The following SLA2 variants were observed in gnomAD, a reference collection of about 807,000 sequenced individuals.
SLA2 encodes src-like-adapter 2.
Under a neutral mutation model 27.3 loss-of-function variants are expected in SLA2, and 22 were observed. The observed-to-expected ratio is 0.81, with a 90% CI of 0.58 to 1.15. SLA2 has a LOEUF of 1.15. Ranked by LOEUF, SLA2 falls within the 50% of genes most tolerant of loss-of-function variation. The pLI, the probability that SLA2 is intolerant of heterozygous loss-of-function variation, is 0.00. For synonymous variants in SLA2, 131 were observed against 137.8 expected (o/e 0.95, Z 0.34); for missense variants, 304 against 322.2 (o/e 0.94, Z 0.43).
intron 7 of SLA2, 123 bp downstream of exon 7, chr20:36,614,182 C>G: frequency 1.9e-6 from 3 of 1,541,986 alleles, no homozygotes; most frequent in Non-Finnish European, 8.9e-7. Context: ...AGTCAGTGCA[C>G]TCTGGCTCCA....
chr20:36,627,305 T>C (rs2039349210), intron 5 of SLA2, among the ~76,000 whole-genome samples: 1 of 152,012 alleles, frequency 6.6e-6, no homozygotes, highest in Non-Finnish European at 1.5e-5. Context: ...ACCTCTGGGG[T>C]CAGGTATTCC....
At chr20:36,637,156 A>G (rs949853926) in intron 2 of SLA2, among the ~76,000 whole-genome samples, 1 of 142,188 alleles carries the variant, frequency 7.0e-6, no homozygotes, top group African/African-American at 2.7e-5. Flanking sequence ...CCCTTGTTCT[A>G]TTAGTCAAGA....
At chr20:36,641,125 G>T in intron 2 of SLA2, 120 bp downstream of exon 2, 1 of 781,516 alleles carries the variant, frequency 1.3e-6, no homozygotes, top group South Asian at 1.6e-5. Context: ...GGCCTGGTAT[G>T]CAGCAGGCCC....
rs751247519 is a variant in SLA2, at chr20:36,614,457, C to T, written c.533-20G>A. On this transcript the variant is annotated intron_variant, in intron 6 of 7. Transcript: ENST00000262866. ...CCAGCTCTGAGGAAGAGACCTCCAT[C>T]CCTGACATGACTGACTCCACCCTAC... is the stretch of plus-strand genomic sequence containing the variant. The T allele has an allele frequency of 6.3e-7, 1 of 1,588,166 alleles. No homozygotes were observed. The highest frequency in any genetic ancestry group is 2.2e-5 in the East Asian group (1 of 44,568).
At chr20:36,625,961 C>G (rs1456777431) in intron 5 of SLA2, among the ~76,000 whole-genome samples, 1 of 151,244 alleles carries the variant, frequency 6.6e-6, no homozygotes, top group Non-Finnish European at 1.5e-5. Context: ...CCTGTTTCTA[C>G]TCAAAATACA....
chr20:36,621,089 A>G lies in SLA2; in HGVS notation c.383-5715T>C, dbSNP rs912467325. The G allele has an allele frequency of 4.4e-5, 16 of 361,538 alleles. No individual in the cohort carries two copies. In the East Asian group the frequency reaches 9.9e-4, roughly 22 times the overall value. The allele number at this position is 361,538 out of a possible 1,614,324, so 22.4% of individuals were successfully genotyped here. A position where few individuals can be genotyped will look rare whatever the true frequency, so the allele number is the denominator to read the frequency against. ...GGAGATGGTGGCAGCAGAGGTAGTT[A>G]TGGAGGAGGTGATGGTGGCATCAAT... On this transcript the variant is annotated intron_variant, in intron 5 of 7. Transcript: ENST00000262866.
At chr20:36,640,225 T>G (rs181207344) in intron 2 of SLA2, among the ~76,000 whole-genome samples, 8 of 151,990 alleles carry the variant, frequency 5.3e-5, no homozygotes, top group African/African-American at 1.9e-4. Context: ...GGAGGATTGC[T>G]TGAGCCTGGG....
intron 5 of SLA2, among the ~76,000 whole-genome samples, chr20:36,624,342 C>T (rs915701980): frequency 2.0e-5 from 3 of 152,180 alleles, no homozygotes. Context: ...TCCTGTCTTC[C>T]CTGACCGCCT....
chr20:36,625,580 C>T (rs369345753), intron 5 of SLA2, among the ~76,000 whole-genome samples: 14 of 152,090 alleles, frequency 9.2e-5, no homozygotes, highest in African/African-American at 3.1e-4. Flanking sequence ...GCCTGTAATC[C>T]CAGCACTTGG....
chr20:36,623,266 CAAAAAA>C (rs776399343), intron 5 of SLA2, among the ~76,000 whole-genome samples: 7 of 52,092 alleles, frequency 1.3e-4, no homozygotes, highest in Non-Finnish European at 2.5e-4. Context: ...CATTACATCT[CAAAAAA>C]AAAAAAAAAA....
At chr20:36,621,019 T>C in intron 5 of SLA2, 1 of 369,472 alleles carries the variant, frequency 2.7e-6, no homozygotes, top group Non-Finnish European at 5.4e-6. Context: ...TAGAGGTAAT[T>C]TTGGCTGCAG....
chr20:36,632,473 T>A, intron 5 of SLA2, 122 bp downstream of exon 5: 1 of 726,302 alleles, frequency 1.4e-6, no homozygotes. Context: ...TCAGGAAATC[T>A]TGGTTGACTG....
intron 5 of SLA2, among the ~76,000 whole-genome samples, chr20:36,631,988 C>T (rs183900329): frequency 3.9e-5 from 6 of 152,258 alleles, no homozygotes; most frequent in Admixed American, 2.0e-4. Flanking sequence ...GAGAAGGATA[C>T]GATTTTCGGG....
intron 5 of SLA2, among the ~76,000 whole-genome samples, chr20:36,630,879 C>T (rs1340390659): frequency 6.6e-6 from 1 of 152,146 alleles, no homozygotes; most frequent in Non-Finnish European, 1.5e-5. Context: ...GTGGCCCGTT[C>T]CTACTCCTCT....
At chr20:36,622,631 A>C (rs1299379790) in intron 5 of SLA2, among the ~76,000 whole-genome samples, 3 of 152,292 alleles carry the variant, frequency 2.0e-5, no homozygotes, top group Admixed American at 6.5e-5. Flanking sequence ...TTCCTTTTGC[A>C]GACTCTAGAG....
intron 5 of SLA2, among the ~76,000 whole-genome samples, chr20:36,625,814 G>C (rs1600823053): frequency 7.0e-6 from 1 of 142,352 alleles, no homozygotes; most frequent in Admixed American, 7.1e-5. Context: ...GCAATAGAGT[G>C]AGATCCTGTC....
intron 5 of SLA2, among the ~76,000 whole-genome samples, chr20:36,624,423 CTT>C (rs2039316394): frequency 6.6e-6 from 1 of 152,190 alleles, no homozygotes; most frequent in South Asian, 2.1e-4. Flanking sequence ...CTGAACGCTG[CTT>C]TGTTTCCTCT....
Position 36,612,682 on chromosome 20 carries a change from C to G in SLA2, c.*1184G>C. 1 of 216,846 alleles carries G rather than the reference C, an allele frequency of 4.6e-6. No individual in the cohort carries two copies. The highest frequency in any genetic ancestry group is 9.5e-6 in the Non-Finnish European group (1 of 105,318). 13.4% of individuals were successfully genotyped at this position (216,846 alleles called of 1,614,324 possible). A position where few individuals can be genotyped will look rare whatever the true frequency, so the allele number is the denominator to read the frequency against. On this transcript the variant is annotated 3_prime_UTR_variant, in exon 8 of 8. Transcript: ENST00000262866. ...TCCTCTCCCTGATCCCTTAGCGGAT[C>G]CAGCAGACCTCTTTCTGTTTATGGA... is the stretch of plus-strand genomic sequence containing the variant.
intron 5 of SLA2, among the ~76,000 whole-genome samples, chr20:36,626,628 A>G (rs956554807): frequency 6.6e-6 from 1 of 151,904 alleles, no homozygotes; most frequent in African/African-American, 2.4e-5. Context: ...CGGGCAGATC[A>G]CAAGGTCAGG....
Sources: gnomAD v4.1 joint callset for allele counts (sites outside exome capture counted in the v4.1 genomes callset) on GRCh38, gnomAD v4.1.1 for gene constraint, MANE v1.5 for transcripts, NCBI Gene and HGNC (gene_info 2026-07-23, HGNC 2026-07-21) for gene names.